AVEN: variants seen among roughly 807,000 people sequenced by gnomAD.
The protein encoded by AVEN is apoptosis and caspase activation inhibitor, also known as cell death regulator Aven.
A neutral mutation model predicts 38.1 loss-of-function variants in AVEN; 41 were observed. The ratio of observed to expected loss-of-function variants is 1.08; its 90% CI spans 0.84 to 1.40. AVEN has a LOEUF of 1.40. AVEN is among the 40% of genes most tolerant of loss of function. The pLI, the probability that AVEN is intolerant of heterozygous loss-of-function variation, is 0.00. For missense variants in AVEN, 605 were observed against 438.8 expected, an observed-to-expected ratio of 1.38 and a Z score of -3.38; for synonymous variants, 206 against 171.8, an observed-to-expected ratio of 1.20 and a Z score of -1.56.
chr15:33,995,862 T>G (rs966864181), intron 2 of AVEN, among the ~76,000 whole-genome samples: 5 of 152,182 alleles, frequency 3.3e-5, no homozygotes, highest in Non-Finnish European at 7.3e-5. Flanking sequence ...GAGGGCGAGC[T>G]GAAGCGGGGC....
chr15:33,980,545 T>A (rs912480888), intron 2 of AVEN, among the ~76,000 whole-genome samples: 3 of 152,156 alleles, frequency 2.0e-5, no homozygotes, highest in Admixed American at 1.3e-4. Context: ...AATATACATG[T>A]ATGGGTATCC....
At chr15:33,888,755 TG>T (rs1891812085) in intron 2 of AVEN, among the ~76,000 whole-genome samples, 1 of 151,620 alleles carries the variant, frequency 6.6e-6, no homozygotes, top group Non-Finnish European at 1.5e-5. Context: ...ATTCTTTTTT[TG>T]TGTGTGTGTG....
intron 5 of AVEN, among the ~76,000 whole-genome samples, chr15:34,049,504 GA>G (rs1163143135): frequency 1.3e-5 from 2 of 152,116 alleles, no homozygotes; most frequent in Middle Eastern, 3.4e-3. Context: ...CAAGAATGGA[GA>G]AAAAAAGAAT....
intron 2 of AVEN, among the ~76,000 whole-genome samples, chr15:33,911,513 G>T (rs1330321404): frequency 1.3e-5 from 2 of 152,094 alleles, no homozygotes; most frequent in South Asian, 4.1e-4. Flanking sequence ...CGGAAAAAGA[G>T]GTATACATCT....
At chr15:34,014,501 C>G (rs1245998876) in intron 1 of AVEN, among the ~76,000 whole-genome samples, 1 of 151,522 alleles carries the variant, frequency 6.6e-6, no homozygotes, top group Non-Finnish European at 1.5e-5. Flanking sequence ...ATCAAAAATC[C>G]ATGGGAAACA....
At chr15:34,062,114 G>A (rs770166507) in intron 5 of AVEN, among the ~76,000 whole-genome samples, 4 of 152,042 alleles carry the variant, frequency 2.6e-5, no homozygotes, top group Non-Finnish European at 4.4e-5. Context: ...CCACAAGAGG[G>A]CAGCAGCCTC....
At chr15:33,956,467 C>A (rs1894957650) in intron 2 of AVEN, among the ~76,000 whole-genome samples, 1 of 152,210 alleles carries the variant, frequency 6.6e-6, no homozygotes, top group Non-Finnish European at 1.5e-5. Context: ...TGTTTAAGAG[C>A]CATTTGCATT....
intron 3 of AVEN, among the ~76,000 whole-genome samples, chr15:33,874,665 G>A (rs1240454259): frequency 2.0e-5 from 3 of 152,192 alleles, no homozygotes; most frequent in Non-Finnish European, 2.9e-5. Flanking sequence ...ACAGGTCACC[G>A]AGTGTGCCCA....
rs5811818 is a variant in AVEN, at chr15:34,073,989, C to CTTTTT, written n.720+442_720+446dup. On this transcript the variant is annotated intron_variant and non_coding_transcript_variant, in intron 1 of 11. Coordinates refer to the AVEN transcript ENST00000675287. ...AGGAACTTTCTTTTTTCTTCTTCTTCTTTTTTTTTTTTTTTTTTTTTTTTT... is the reference window on the plus strand; with the variant it reads ...AGGAACTTTCTTTTTTCTTCTTCTTCTTTTTTTTTTTTTTTTTTTTTTTTTTTTTT... Among the ~76,000 whole-genome samples the CTTTTT allele has an allele frequency of 2.2e-3, 70 of 31,504 alleles. 4 individuals are homozygous for CTTTTT. Among genetic ancestry groups the CTTTTT allele is most frequent in the South Asian group, 3.7e-3 (4 of 1,092 alleles). The allele number at this position is 31,504 out of a possible 152,430, so 20.7% of individuals were successfully genotyped here. A position where few individuals can be genotyped will look rare whatever the true frequency, so the allele number is the denominator to read the frequency against.
rs140386896 is a variant in AVEN at position 33,915,664 on chromosome 15, G to C, written c.446-39669C>G. On this transcript the variant is annotated intron_variant, in intron 2 of 5. Coordinates refer to ENST00000306730, the MANE Select transcript of AVEN (RefSeq NM_020371.3). ...TTTCGATAGAACTCAAAGTTTTCCT[G>C]GACAGAACTCGGGAGAGGGGATGAA... 4.6e-3 allele frequency among the ~76,000 whole-genome samples: 701 copies of C among 152,298 alleles called. 7 individuals carry two copies. The highest frequency in any genetic ancestry group is 0.016 in the African/African-American group (679 of 41,566).
At chr15:33,895,062 A>G (rs1892179068) in intron 2 of AVEN, among the ~76,000 whole-genome samples, 1 of 151,928 alleles carries the variant, frequency 6.6e-6, no homozygotes, top group African/African-American at 2.4e-5. Flanking sequence ...TCCATCTTCA[A>G]CTTTCCTCTA....
At chr15:33,864,035 G>C, downstream of AVEN, 2 of 757,914 alleles carry the variant, frequency 2.6e-6, no homozygotes, top group Non-Finnish European at 4.6e-6. Context: ...ACTGTAGATA[G>C]CGTGGGACCA....
chr15:33,959,667 T>C (rs1048753269), intron 2 of AVEN, among the ~76,000 whole-genome samples: 2 of 152,106 alleles, frequency 1.3e-5, no homozygotes, highest in Non-Finnish European at 2.9e-5. Context: ...CCAGGTGAAC[T>C]GGAATGAGAA....
chr15:33,943,753 A>G (rs1319095997), intron 2 of AVEN, among the ~76,000 whole-genome samples: 1 of 143,862 alleles, frequency 7.0e-6, no homozygotes, highest in African/African-American at 2.5e-5. Context: ...TGAACTCAGG[A>G]GGCAGAGATT....
chr15:34,033,195 A>T (rs914066422), intron 1 of AVEN, among the ~76,000 whole-genome samples: 101 of 152,258 alleles, frequency 6.6e-4, no homozygotes, highest in African/African-American at 2.0e-3. Flanking sequence ...TTCACAATGA[A>T]GTTTTACCTT....
At chr15:33,921,436 T>TGAGAGA (rs35482658) in intron 2 of AVEN, among the ~76,000 whole-genome samples, 1 of 151,384 alleles carries the variant, frequency 6.6e-6, no homozygotes, top group Non-Finnish European at 1.5e-5. Flanking sequence ...GGGAGGAGAG[T>TGAGAGA]GAGAGAGAGT....
Position 34,062,713 on chromosome 15 carries a change from C to A in AVEN, n.1637+209G>T, listed in dbSNP as rs201746968. The A allele has an allele frequency of 1.0e-4, 161 of 1,599,062 alleles. 1 individual carries two copies. The African/African-American group carries it at 1.8e-3, about 18-fold the overall frequency. On this transcript the variant is annotated intron_variant and non_coding_transcript_variant, in intron 5 of 11. Coordinates refer to the AVEN transcript ENST00000675287. ...CACTATTTACTGTAAAATTTTTGCA[C>A]CAGGATGGAAGGGGATTCTTACCAC...
intron 1 of AVEN, among the ~76,000 whole-genome samples, chr15:34,010,035 T>C (rs1448684623): frequency 1.3e-5 from 2 of 151,980 alleles, no homozygotes; most frequent in African/African-American, 4.8e-5. Flanking sequence ...CTTCACAATA[T>C]ATGAAGCAAA....
intron 2 of AVEN, among the ~76,000 whole-genome samples, chr15:33,962,817 G>C (rs1222247104): frequency 6.6e-6 from 1 of 151,626 alleles, no homozygotes; most frequent in African/African-American, 2.4e-5. Flanking sequence ...CTACTTGGGA[G>C]GCTGAGGCAG....
Sources: allele counts gnomAD v4.1 joint callset (sites outside exome capture counted in the v4.1 genomes callset), GRCh38; gene constraint gnomAD v4.1.1; transcripts MANE v1.5; gene names NCBI Gene and HGNC (gene_info 2026-07-23, HGNC 2026-07-21).